CCPG1: variants seen among roughly 807,000 people sequenced by gnomAD.
CCPG1 encodes cell cycle progression 1.
In CCPG1, 46 loss-of-function variants were observed where a neutral mutation model predicts 81.3. The ratio of observed to expected loss-of-function variants is 0.57; its 90% CI spans 0.45 to 0.72. The LOEUF is 0.72. Among genes scored for constraint, CCPG1 ranks in the 30% least tolerant of loss-of-function variants. The pLI, the probability that CCPG1 is intolerant of heterozygous loss-of-function variation, is 0.00. For synonymous variants in CCPG1, 330 were observed against 305.2 expected (o/e 1.08, Z -0.85); for missense variants, 902 against 937.6 (o/e 0.96, Z 0.50).
At position 55,359,777 on chromosome 15, in the gene CCPG1, T is replaced by C; in HGVS notation, c.1996A>G (p.Lys666Glu). 1 of 1,613,414 alleles carries C rather than the reference T, an allele frequency of 6.2e-7. No homozygotes were observed. Residue 666 changes from lysine to glutamate, a missense_variant, in exon 8 of 9, where the codon AAA (lysine) becomes GAA (glutamate). Transcript: ENST00000442196. ...FRQIIQRYMLKELDTFCHWNE... is the reference protein window; with the variant it reads ...FRQIIQRYMLEELDTFCHWNE... ...CAGTGACAAAAAGTATCCAGTTCTT[T>C]TAACATGTACCTTTGAATTATCTGT... is the stretch of plus-strand genomic sequence containing the variant.
intron 1 of CCPG1, among the ~76,000 whole-genome samples, chr15:55,395,517 G>A (rs576718117): frequency 6.6e-6 from 1 of 151,640 alleles, no homozygotes; most frequent in Non-Finnish European, 1.5e-5. Flanking sequence ...TTCCCGCTTT[G>A]CCCAACCTTC....
chr15:55,382,957 A>G (rs2056731207), intron 3 of CCPG1, among the ~76,000 whole-genome samples: 1 of 152,150 alleles, frequency 6.6e-6, no homozygotes, highest in South Asian at 2.1e-4. Context: ...ACCTTTTCCC[A>G]CAAATCACAA....
intron 2 of CCPG1, among the ~76,000 whole-genome samples, chr15:55,386,677 G>A (rs1332506895): frequency 5.3e-5 from 8 of 152,122 alleles, no homozygotes; most frequent in Admixed American, 4.6e-4. Context: ...GGCGGATCAC[G>A]AGGTCAGGAG....
intron 7 of CCPG1, 35 bp from the exon 8 acceptor site, chr15:55,360,979 T>C: frequency 6.8e-7 from 1 of 1,470,056 alleles, no homozygotes; most frequent in South Asian, 1.4e-5. Flanking sequence ...AAATAAAATG[T>C]CAAATGCTTT....
chr15:55,374,371 G>A (rs770100201), intron 5 of CCPG1: 28 of 486,908 alleles, frequency 5.8e-5, no homozygotes, highest in East Asian at 5.7e-4. Flanking sequence ...AAATTAAAAC[G>A]TAATAACCAT....
At chr15:55,366,776 A>T (rs1252469574) in intron 6 of CCPG1, among the ~76,000 whole-genome samples, 1 of 152,190 alleles carries the variant, frequency 6.6e-6, no homozygotes, top group Admixed American at 6.5e-5. Context: ...CCGTCTCAAA[A>T]AAAGAATCTT....
At chr15:55,402,710 T>G (rs901330900) in intron 1 of CCPG1, among the ~76,000 whole-genome samples, 1 of 152,248 alleles carries the variant, frequency 6.6e-6, no homozygotes, top group African/African-American at 2.4e-5. Flanking sequence ...TGAAATGTAT[T>G]TCTCAGAGGA....
Position 55,361,067 on chromosome 15 carries a change from G to A in CCPG1, c.829-123C>T, listed in dbSNP as rs566964917. On this transcript the variant is annotated intron_variant, in intron 7 of 8. Coordinates refer to ENST00000442196, the MANE Select transcript of CCPG1 (RefSeq NM_001204450.2). ...TTACTTCTACAGATACAACCCCCCGGGTAGTATTTTCAATAGTATAAACAT... is the reference window on the plus strand; with the variant it reads ...TTACTTCTACAGATACAACCCCCCGAGTAGTATTTTCAATAGTATAAACAT... 45 of 1,072,300 alleles carry A rather than the reference G, an allele frequency of 4.2e-5. No individual in the cohort carries two copies. In the South Asian group the frequency reaches 8.6e-4, roughly 21 times the overall value. The allele number at this position is 1,072,300 out of a possible 1,614,324, so 66.4% of individuals were successfully genotyped here.
In CCPG1 at chr15:55,371,963, C is replaced by T. The variant is rs1310927982; in HGVS notation, c.536G>A (p.Arg179His). Residue 179 changes from arginine (R) to histidine (H), a missense_variant, in exon 6 of 9, where the codon CGT (arginine) becomes CAT (histidine). Arg to His is a conservative substitution (Grantham distance 29). This residue lies in a region of CCPG1 where 746 missense variants were observed against 728.6 expected (regional missense o/e 1.02). Transcript: ENST00000442196. ...AGCAGAAACGGTCTTCTTCCTAGCA[C>T]GGCGTCGTCTAAAGGCAGGACTGGG... ...NQPSPAFRRR[R>H]ARKKTVSASE... 5.6e-6 allele frequency: 9 copies of T among 1,614,022 alleles called. No homozygotes were observed. The highest frequency in any genetic ancestry group is 7.6e-6 in the Non-Finnish European group (9 of 1,180,008).
In CCPG1 at chr15:55,385,611, A is replaced by G. The variant is rs771078323; in HGVS notation, c.164T>C (p.Ile55Thr). ...TGTGAACAACTTACCTCCTTGCTCT[A>G]TCTGCAATGCTTGAAGCTCCTCTTG... ...LEQEELQALQ[I>T]EQGESSQNGT... Residue 55 changes from isoleucine to threonine, a missense_variant, in exon 3 of 9, where the codon ATA becomes ACA. Ile to Thr is a moderately conservative substitution (Grantham distance 89). Transcript: ENST00000442196. The G allele has an allele frequency of 7.6e-6, 12 of 1,582,344 alleles. No homozygotes were observed. Among genetic ancestry groups the G allele is most frequent in the South Asian group, 5.7e-5 (5 of 88,334 alleles).
chr15:55,387,971 G>GA (rs1434202265), intron 2 of CCPG1, among the ~76,000 whole-genome samples: 2 of 150,976 alleles, frequency 1.3e-5, no homozygotes, highest in African/African-American at 4.8e-5. Flanking sequence ...GACCAACATG[G>GA]AGAAACCCCG....
chr15:55,356,344 T>C lies in CCPG1; in HGVS notation c.2300A>G (p.Lys767Arg). The C allele has an allele frequency of 6.5e-7, 1 of 1,535,720 alleles. No individual in the cohort carries two copies. Among genetic ancestry groups the C allele is most frequent in the Non-Finnish European group, 8.7e-7 (1 of 1,146,844 alleles). ...ENSRHRKQEQ[K>R]HLQPQPYKRE... is the part of the protein sequence containing the mutation. Reference sequence around the variant, plus strand: ...TTTATAAGGCTGTGGCTGAAGGTGCTTCTGCTCTTGTTTTCGATGCCTGGA... The same window carrying C: ...TTTATAAGGCTGTGGCTGAAGGTGCCTCTGCTCTTGTTTTCGATGCCTGGA... Residue 767 changes from lysine to arginine, a missense_variant, in exon 9 of 9, where the codon AAG (lysine) becomes AGG (arginine). Around this residue, in one of 3 missense-constraint regions of CCPG1, gnomAD observed 128 missense variants for 161.2 expected, o/e 0.79. Coordinates refer to ENST00000442196, the MANE Select transcript of CCPG1 (RefSeq NM_001204450.2).
intron 1 of CCPG1, chr15:55,407,896 A>C (rs2057268254): frequency 6.5e-6 from 1 of 152,730 alleles, no homozygotes; most frequent in Non-Finnish European, 1.5e-5. Flanking sequence ...AAGCCTGCCC[A>C]GTGAAGGAAG....
Position 55,360,298 on chromosome 15 carries a change from G to T in CCPG1, c.1475C>A (p.Thr492Lys). 1 of 1,613,854 alleles carries T rather than the reference G, an allele frequency of 6.2e-7. No individual in the cohort carries two copies. Among genetic ancestry groups the T allele is most frequent in the Non-Finnish European group, 8.5e-7 (1 of 1,179,966 alleles). ...KETFLGSVKE[T>K]FDAMKNSTKE... ...GGTAGAATTCTTCATGGCATCAAAT[G>T]TTTCCTTAACTGAACCCAAAAATGT... Residue 492 changes from threonine (T) to lysine (K), a missense_variant, in exon 8 of 9, where the codon ACA (threonine) becomes AAA (lysine). Coordinates refer to ENST00000442196, the MANE Select transcript of CCPG1 (RefSeq NM_001204450.2).
rs75740388 is a variant in CCPG1 at position 55,364,413 on chromosome 15, T to C, written c.828+775A>G. Among the ~76,000 whole-genome samples the C allele has an allele frequency of 1.7e-3, 264 of 150,980 alleles. 4 individuals are homozygous for C. Among genetic ancestry groups the C allele is most frequent in the African/African-American group, 6.3e-3 (262 of 41,446 alleles). On this transcript the variant is annotated intron_variant, in intron 7 of 8. Transcript: ENST00000442196. ...CTCTTTCCCTCCTGCCAACTGAAAA[T>C]GTTTGCTTCGCTCTGTGAAAATAAT...
chr15:55,389,241 G>A, intron 2 of CCPG1, 124 bp downstream of exon 2: 1 of 670,380 alleles, frequency 1.5e-6, no homozygotes, highest in South Asian at 1.9e-5. Context: ...AATATGAGAG[G>A]GAAAATGTCC....
At chr15:55,382,201 T>C (rs2056712556) in intron 3 of CCPG1, among the ~76,000 whole-genome samples, 1 of 152,130 alleles carries the variant, frequency 6.6e-6, no homozygotes, top group South Asian at 2.1e-4. Context: ...GTTTCCCACA[T>C]GGATTGACTC....
At position 55,375,594 on chromosome 15, in the gene CCPG1, G is replaced by A. The variant is rs542999718; in HGVS notation, c.454+1355C>T. Among the ~76,000 whole-genome samples the A allele has an allele frequency of 3.7e-4, 56 of 152,008 alleles. No individual in the cohort carries two copies. In the South Asian group the frequency reaches 5.6e-3, roughly 15 times the overall value. Reference sequence around the variant, plus strand: ...ATGTCACATGAATATTCAAATAGCTGGAAAAAGTGTTTTCACGTTCATGTT... The same window carrying A: ...ATGTCACATGAATATTCAAATAGCTAGAAAAAGTGTTTTCACGTTCATGTT... On this transcript the variant is annotated intron_variant, in intron 5 of 8. Transcript: ENST00000442196.
At position 55,358,586 on chromosome 15, in the gene CCPG1, T is replaced by A. The variant is rs1002307756; in HGVS notation, c.2234+953A>T. ...TTCCCTTCCCTGTCTGCATAGCAAATCCTCATTTCTCTTCCAAAAGCTACT... is the reference window on the plus strand; with the variant it reads ...TTCCCTTCCCTGTCTGCATAGCAAAACCTCATTTCTCTTCCAAAAGCTACT... On this transcript the variant is annotated intron_variant, in intron 8 of 8. Transcript: ENST00000442196. 7.1e-6 allele frequency: 7 copies of A among 985,408 alleles called. No homozygotes were observed. The African/African-American group carries it at 8.7e-5, about 12-fold the overall frequency. The allele number at this position is 985,408 out of a possible 1,614,324, so 61.0% of individuals were successfully genotyped here.
Sources: allele counts gnomAD v4.1 joint callset (sites outside exome capture counted in the v4.1 genomes callset), GRCh38; gene constraint gnomAD v4.1.1; regional missense constraint gnomAD v4.1.1; transcripts MANE v1.5; gene names NCBI Gene and HGNC (gene_info 2026-07-23, HGNC 2026-07-21).